Variants in DENND2C observed in about 807,000 individuals in gnomAD.
The protein encoded by DENND2C is DENN domain-containing protein 2C.
DENND2C carries 72 observed loss-of-function variants against 112.4 expected under a neutral mutation model. That is an observed-to-expected ratio of 0.64 (90% CI 0.53 to 0.78). The LOEUF (loss-of-function observed/expected upper bound fraction) is 0.78. DENND2C is among the 30% of genes least tolerant of loss of function. The pLI, the probability that DENND2C is intolerant of heterozygous loss-of-function variation, is 0.00. For synonymous variants in DENND2C, 329 were observed against 381.6 expected (o/e 0.86, Z 1.61); for missense variants, 992 against 1,113.8 (o/e 0.89, Z 1.56).
chr1:114,639,786 TGCA>T (rs1656770811), intron 3 of DENND2C, among the ~76,000 whole-genome samples: 2 of 151,614 alleles, frequency 1.3e-5, no homozygotes, highest in South Asian at 4.2e-4. Context: ...CTCGGCTCAC[TGCA>T]ACTTCGGCCT....
At chr1:114,632,689 T>C (rs1200691689) in intron 3 of DENND2C, among the ~76,000 whole-genome samples, 2 of 152,196 alleles carry the variant, frequency 1.3e-5, no homozygotes, top group Non-Finnish European at 2.9e-5. Flanking sequence ...AAGGTACACA[T>C]AAAGTTTTTT....
chr1:114,587,238 G>A lies in DENND2C; in HGVS notation c.2755+149C>T, dbSNP rs553195164. ...ATTTTAAAATTTTGTGTAGGGATGG[G>A]GTCTCACTATGTTGCCCACGCTGGT... On this transcript the variant is annotated intron_variant, in intron 20 of 20. Coordinates refer to ENST00000393274, the MANE Select transcript of DENND2C (RefSeq NM_001256404.2). 96 of 791,344 alleles carry A rather than the reference G, an allele frequency of 1.2e-4. No homozygotes were observed. The African/African-American group carries it at 1.5e-3, about 12-fold the overall frequency. The allele number at this position is 791,344 out of a possible 1,614,324, so 49.0% of individuals were successfully genotyped here. A position where few individuals can be genotyped will look rare whatever the true frequency, so the allele number is the denominator to read the frequency against.
intron 3 of DENND2C, among the ~76,000 whole-genome samples, chr1:114,631,010 T>C (rs1656473850): frequency 6.6e-6 from 1 of 152,214 alleles, no homozygotes; most frequent in Non-Finnish European, 1.5e-5. Context: ...TCTTATGAAA[T>C]TTAAGTACTC....
intron 1 of DENND2C, among the ~76,000 whole-genome samples, chr1:114,665,436 C>T (rs146706890): frequency 2.5e-3 from 375 of 152,310 alleles, no homozygotes; most frequent in African/African-American, 8.6e-3. Flanking sequence ...GCAATACAGA[C>T]AGTCCCTGAC....
chr1:114,641,279 A>G (rs958308359), intron 3 of DENND2C, among the ~76,000 whole-genome samples: 4 of 148,276 alleles, frequency 2.7e-5, no homozygotes, highest in Admixed American at 6.7e-5. Flanking sequence ...AAAAAAAAAG[A>G]AAAGAAAAAG....
intron 1 of DENND2C, among the ~76,000 whole-genome samples, chr1:114,660,805 G>C (rs1466216434): frequency 3.3e-5 from 5 of 151,938 alleles, no homozygotes; most frequent in Admixed American, 2.6e-4. Flanking sequence ...TACAGCTGTG[G>C]TTAAATTTAA....
At chr1:114,650,575 G>A (rs947743986) in intron 2 of DENND2C, among the ~76,000 whole-genome samples, 14 of 149,742 alleles carry the variant, frequency 9.3e-5, no homozygotes, top group African/African-American at 3.2e-4. Flanking sequence ...TCAGGAGGCT[G>A]AGGCAGGAGA....
chr1:114,620,636 G>A (rs74866102), intron 7 of DENND2C, among the ~76,000 whole-genome samples: 4 of 152,130 alleles, frequency 2.6e-5, no homozygotes, highest in Non-Finnish European at 5.9e-5. Context: ...TGATCTACCA[G>A]AGGGCGCAGC....
intron 2 of DENND2C, among the ~76,000 whole-genome samples, chr1:114,651,150 A>C (rs1280736835): frequency 6.6e-6 from 1 of 151,834 alleles, no homozygotes; most frequent in African/African-American, 2.4e-5. Context: ...AACAAAACAT[A>C]GTAAGGGCTA....
rs1275683902 is a variant in DENND2C, at chr1:114,584,603, A to G, written c.*997T>C. 6.6e-6 allele frequency: 1 copy of G among 152,040 alleles called. No homozygotes were observed. Among genetic ancestry groups the G allele is most frequent in the African/African-American group, 2.4e-5 (1 of 41,380 alleles). 9.4% of individuals were successfully genotyped at this position (152,040 alleles called of 1,614,324 possible). On this transcript the variant is annotated 3_prime_UTR_variant, in exon 21 of 21. Coordinates refer to ENST00000393274, the MANE Select transcript of DENND2C (RefSeq NM_001256404.2). ...AGTTTATTAGTAAAATGGAGATGCA[A>G]ATATCTATCTCATAAGGTTGATTTA...
Position 114,623,119 on chromosome 1 carries a change from A to C in DENND2C, c.944-20T>G, listed in dbSNP as rs1024776977. 8.2e-6 allele frequency: 13 copies of C among 1,584,396 alleles called. No individual in the cohort carries two copies. The highest frequency in any genetic ancestry group is 1.1e-5 in the Non-Finnish European group (13 of 1,164,562). ...TGGGATCTTAAAAAATAATTTAAAA[A>C]AATGTTTACATGAACATAATTAAAT... On this transcript the variant is annotated intron_variant, in intron 5 of 20. Transcript: ENST00000393274.
At chr1:114,631,950 A>T (rs1045779566) in intron 3 of DENND2C, among the ~76,000 whole-genome samples, 5 of 152,202 alleles carry the variant, frequency 3.3e-5, no homozygotes, top group East Asian at 1.9e-4. Flanking sequence ...GAAGATATTT[A>T]AAAAAGACAA....
intron 10 of DENND2C, 92 bp from the exon 11 acceptor site, chr1:114,605,123 C>A (rs1655625263): frequency 3.5e-6 from 3 of 863,096 alleles, no homozygotes. Context: ...GAAAAAAGGT[C>A]TCTGATAAGC....
chr1:114,625,457 C>T lies in DENND2C; in HGVS notation c.528G>A (p.Leu176=). 1 of 1,614,066 alleles carries T rather than the reference C, an allele frequency of 6.2e-7. No individual in the cohort carries two copies. The highest frequency in any genetic ancestry group is 8.5e-7 in the Non-Finnish European group (1 of 1,180,000). Residue 176 remains leucine (L), a synonymous_variant, in exon 4 of 21, where the codon CTG becomes CTA. Transcript: ENST00000393274. ...LEHCDSSEKE[L]NFRVLDSSYG... Reference sequence around the variant, plus strand: ...ATGAACTATCCAGAACTCTGAAGTTCAGTTCTTTTTCTGAAGAGTCACAAT... The same window carrying T: ...ATGAACTATCCAGAACTCTGAAGTTTAGTTCTTTTTCTGAAGAGTCACAAT...
In DENND2C at chr1:114,601,427, G is replaced by T. The variant is rs778279751; in HGVS notation, c.1815+81C>A. ...TTTACTAATAGGGAACCTTTCTGAA[G>T]TAACATGTTAAACTCTATGCCACTT... On this transcript the variant is annotated intron_variant, in intron 13 of 20. Transcript: ENST00000393274. 3.2e-4 allele frequency: 454 copies of T among 1,397,174 alleles called. 1 individual carries two copies. The highest frequency in any genetic ancestry group is 4.1e-4 in the Non-Finnish European group (420 of 1,015,642). 86.5% of individuals were successfully genotyped at this position (1,397,174 alleles called of 1,614,324 possible).
chr1:114,626,270 C>T, intron 3 of DENND2C, 82 bp from the exon 4 acceptor site: 1 of 307,230 alleles, frequency 3.3e-6, no homozygotes, highest in Non-Finnish European at 6.1e-6. Context: ...CCCACCTATC[C>T]CTACATAATT....
intron 1 of DENND2C, among the ~76,000 whole-genome samples, chr1:114,669,620 G>C (rs1657734259): frequency 6.6e-6 from 1 of 152,106 alleles, no homozygotes; most frequent in African/African-American, 2.4e-5. Flanking sequence ...GAGAAAGCCC[G>C]CGTTTCCCCA....
intron 6 of DENND2C, among the ~76,000 whole-genome samples, chr1:114,622,702 T>C (rs538491016): frequency 2.0e-5 from 3 of 151,734 alleles, no homozygotes; most frequent in Admixed American, 6.6e-5. Context: ...CAAAGATTGA[T>C]GTAGACTAAT....
intron 8 of DENND2C, among the ~76,000 whole-genome samples, chr1:114,616,879 T>C (rs1270838505): frequency 6.6e-6 from 1 of 151,902 alleles, no homozygotes; most frequent in Non-Finnish European, 1.5e-5. Context: ...TACGTGAGAC[T>C]GGGAAGCAAA....
Sources: allele counts gnomAD v4.1 joint callset (sites outside exome capture counted in the v4.1 genomes callset), GRCh38; gene constraint gnomAD v4.1.1; transcripts MANE v1.5; gene names NCBI Gene and HGNC (gene_info 2026-07-23, HGNC 2026-07-21).